Variants in ATP8A2 observed in about 807,000 individuals in gnomAD.
ATP8A2 encodes the protein ATPase phospholipid transporting 8A2.
A neutral mutation model predicts 165.6 loss-of-function variants in ATP8A2; 100 were observed. The observed-to-expected ratio is 0.60, with a 90% CI of 0.51 to 0.71. The LOEUF (loss-of-function observed/expected upper bound fraction) is 0.71, where lower values mean the gene tolerates loss of function less well. Ranked by LOEUF, ATP8A2 falls within the 30% of genes least tolerant of loss-of-function variation. The pLI is 0.00. For synonymous variants in ATP8A2, 543 were observed against 548.8 expected, an observed-to-expected ratio of 0.99 and a Z score of 0.15; for missense variants, 1,227 against 1,479.5, an observed-to-expected ratio of 0.83 and a Z score of 2.80.
rs1279925656 is a variant in ATP8A2, at chr13:25,581,934, A to G, written c.2123A>G (p.Lys708Arg). The G allele has an allele frequency of 1.2e-6, 2 of 1,611,700 alleles. No individual in the cohort carries two copies. Among genetic ancestry groups the G allele is most frequent in the African/African-American group, 1.3e-5 (1 of 74,818 alleles). The part of the protein sequence containing the change: ...EIKIWVLTGD[K>R]QETAINIGYS... The stretch of plus-strand genomic sequence containing the variant: ...AAAATATGGGTGTTGACAGGAGACA[A>G]ACAAGAAACTGCGATTAATATAGGT... The change falls in exon 23 of 37, where the codon AAA becomes AGA. Residue 708 changes from lysine (K) to arginine (R), a missense_variant. By Grantham distance (26) the Lys-to-Arg change is conservative. Transcript: ENST00000381655.
intron 30 of ATP8A2, among the ~76,000 whole-genome samples, chr13:25,844,524 T>C (rs1384085381): frequency 6.6e-6 from 1 of 152,128 alleles, no homozygotes; most frequent in African/African-American, 2.4e-5. Flanking sequence ...CCAATGCACC[T>C]GGCCTTATTA....
intron 1 of ATP8A2, among the ~76,000 whole-genome samples, chr13:25,435,122 CTT>C (rs563922531): frequency 2.2e-4 from 30 of 136,538 alleles, no homozygotes; most frequent in Admixed American, 2.2e-4. Context: ...CATAGGAAAT[CTT>C]TTTTTTTTTT....
chr13:25,669,297 G>A (rs2042217563), intron 24 of ATP8A2, among the ~76,000 whole-genome samples: 1 of 151,976 alleles, frequency 6.6e-6, no homozygotes, highest in Non-Finnish European at 1.5e-5. Context: ...GTTGACATAT[G>A]GTTACTGACA....
chr13:25,576,290 G>A (rs1165334657), intron 19 of ATP8A2, among the ~76,000 whole-genome samples: 2 of 152,178 alleles, frequency 1.3e-5, no homozygotes, highest in African/African-American at 2.4e-5. Flanking sequence ...CCACAGAGAT[G>A]GGTGGTCTAG....
At chr13:25,947,292 A>G (rs1321239352) in intron 33 of ATP8A2, among the ~76,000 whole-genome samples, 1 of 152,168 alleles carries the variant, frequency 6.6e-6, no homozygotes, top group East Asian at 1.9e-4. Context: ...ATGTTCGTGC[A>G]TGTACTCTTT....
chr13:25,771,954 C>A (rs549510064), intron 26 of ATP8A2, among the ~76,000 whole-genome samples: 1 of 152,016 alleles, frequency 6.6e-6, no homozygotes, highest in East Asian at 1.9e-4. Context: ...TTTTTTATTA[C>A]GCTTCGGAGG....
At chr13:25,636,879 G>C (rs2041381461) in intron 24 of ATP8A2, among the ~76,000 whole-genome samples, 1 of 152,002 alleles carries the variant, frequency 6.6e-6, no homozygotes, top group Non-Finnish European at 1.5e-5. Flanking sequence ...GATTGCTGGA[G>C]CCCAGGAGTT....
chr13:25,699,052 G>C lies in ATP8A2; in HGVS notation c.2212-121G>C, dbSNP rs1412436543. ...ATGTATAAATGTGCAAAGCTGAACT[G>C]ATAGTATATTTATATTAGAATGGGT... is the stretch of plus-strand genomic sequence containing the variant. On this transcript the variant is annotated intron_variant, in intron 24 of 36. Transcript: ENST00000381655. The C allele has an allele frequency of 6.6e-6, 5 of 752,272 alleles. No homozygotes were observed. In the Admixed American group the frequency reaches 1.3e-4, roughly 20 times the overall value. 46.6% of individuals were successfully genotyped at this position (752,272 alleles called of 1,614,324 possible).
intron 33 of ATP8A2, among the ~76,000 whole-genome samples, chr13:25,942,130 AT>A (rs1388193172): frequency 6.6e-6 from 1 of 152,248 alleles, no homozygotes; most frequent in African/African-American, 2.4e-5. Context: ...TCATAGTGAT[AT>A]AATTGTAGCA....
intron 33 of ATP8A2, among the ~76,000 whole-genome samples, chr13:25,923,876 G>T (rs78186457): frequency 0.015 from 2,226 of 152,242 alleles, 25 homozygotes; most frequent in Non-Finnish European, 0.022. Context: ...TGTAATCCTA[G>T]CATCTTCTGT....
chr13:25,895,429 G>T (rs1226348655), intron 33 of ATP8A2, among the ~76,000 whole-genome samples: 3 of 152,192 alleles, frequency 2.0e-5, no homozygotes, highest in Non-Finnish European at 2.9e-5. Context: ...GCTGGATTCG[G>T]TTTGCCAGTA....
intron 24 of ATP8A2, among the ~76,000 whole-genome samples, chr13:25,622,330 A>T (rs931135482): frequency 6.6e-6 from 1 of 152,188 alleles, no homozygotes; most frequent in Non-Finnish European, 1.5e-5. Flanking sequence ...GAAGCAAAGA[A>T]ATGGAAATAG....
intron 24 of ATP8A2, among the ~76,000 whole-genome samples, chr13:25,636,657 G>A (rs890203484): frequency 6.6e-6 from 1 of 152,042 alleles, no homozygotes; most frequent in Non-Finnish European, 1.5e-5. Context: ...GGTTCCACCT[G>A]CTCTTCCCCT....
At chr13:25,490,799 G>A (rs935618615) in intron 2 of ATP8A2, among the ~76,000 whole-genome samples, 27 of 151,436 alleles carry the variant, frequency 1.8e-4, no homozygotes, top group African/African-American at 6.6e-4. Flanking sequence ...TACTCTGTGG[G>A]CCAGGCTGGA....
chr13:25,933,262 C>T (rs1283617328), intron 33 of ATP8A2, among the ~76,000 whole-genome samples: 1 of 152,140 alleles, frequency 6.6e-6, no homozygotes, highest in African/African-American at 2.4e-5. Context: ...TTCTGCCTCG[C>T]TTGGCGGGGA....
chr13:25,776,834 G>A (rs77137723), intron 27 of ATP8A2, among the ~76,000 whole-genome samples: 2,347 of 152,186 alleles, frequency 0.015, 27 homozygotes, highest in Middle Eastern at 0.041. Context: ...TAATAATCTC[G>A]TTTTCTTCAC....
intron 30 of ATP8A2, among the ~76,000 whole-genome samples, chr13:25,850,026 T>C (rs1951967057): frequency 1.3e-5 from 2 of 152,236 alleles, no homozygotes; most frequent in Non-Finnish European, 2.9e-5. Flanking sequence ...TTGTTTACCC[T>C]GTAGAAATTG....
chr13:25,803,024 T>A (rs1950654196), intron 27 of ATP8A2, among the ~76,000 whole-genome samples: 2 of 152,042 alleles, frequency 1.3e-5, no homozygotes, highest in South Asian at 4.1e-4. Context: ...ATTTTTTTTT[T>A]AAAGGCGTGA....
At position 25,981,712 on chromosome 13, in the gene ATP8A2, G is replaced by A. The variant is rs73155958; in HGVS notation, c.3377+13033G>A. 2.6e-3 allele frequency among the ~76,000 whole-genome samples: 391 copies of A among 152,154 alleles called. 2 individuals are homozygous for A. Among genetic ancestry groups the A allele is most frequent in the Non-Finnish European group, 4.4e-3 (297 of 67,974 alleles). On this transcript the variant is annotated intron_variant, in intron 35 of 36. Coordinates refer to ENST00000381655, the MANE Select transcript of ATP8A2 (RefSeq NM_016529.6). ...TTAAAAACGAGTGGCTGAAAGAATAGTAAACAGCACTGTAATCCTAAAAGC... is the reference window on the plus strand; with the variant it reads ...TTAAAAACGAGTGGCTGAAAGAATAATAAACAGCACTGTAATCCTAAAAGC...
Sources: gnomAD v4.1 joint callset for allele counts (sites outside exome capture counted in the v4.1 genomes callset) on GRCh38, gnomAD v4.1.1 for gene constraint, MANE v1.5 for transcripts, NCBI Gene and HGNC (gene_info 2026-07-23, HGNC 2026-07-21) for gene names.